The following PRELID2 variants were observed in gnomAD, a reference collection of about 807,000 sequenced individuals.
The protein encoded by PRELID2 is PRELI domain-containing protein 2.
A neutral mutation model predicts 28.4 loss-of-function variants in PRELID2; 25 were observed. The observed-to-expected ratio is 0.88, with a 90% CI of 0.64 to 1.23. The LOEUF is 1.23. Among genes scored for constraint, PRELID2 ranks in the 50% most tolerant of loss-of-function variants. The pLI is 0.00. For synonymous variants in PRELID2, 76 were observed against 71.6 expected, an observed-to-expected ratio of 1.06 and a Z score of -0.31; for missense variants, 201 against 214.4, an observed-to-expected ratio of 0.94 and a Z score of 0.39.
intron 1 of PRELID2, among the ~76,000 whole-genome samples, chr5:145,491,211 A>G (rs923080521): frequency 6.6e-6 from 1 of 152,156 alleles, no homozygotes; most frequent in African/African-American, 2.4e-5. Context: ...TGGGGGCTGG[A>G]AAGTCCAAGA....
intron 1 of PRELID2, among the ~76,000 whole-genome samples, chr5:145,540,648 G>A (rs1752738042): frequency 6.7e-6 from 1 of 148,872 alleles, no homozygotes; most frequent in African/African-American, 2.5e-5. Context: ...CCAAATATGA[G>A]GGATTATTTA....
chr5:145,475,021 G>C (rs1471440479), intron 1 of PRELID2, among the ~76,000 whole-genome samples: 2 of 152,160 alleles, frequency 1.3e-5, no homozygotes, highest in Non-Finnish European at 2.9e-5. Flanking sequence ...AATTATGAAA[G>C]ACTATTCTCT....
At chr5:145,414,545 T>G in the PRELID2 span, among the ~76,000 whole-genome samples, 6 of 152,226 alleles carry the variant, frequency 3.9e-5, no homozygotes, top group African/African-American at 1.4e-4. Flanking sequence ...AATTAAGAAG[T>G]AAAATTGTCT....
At chr5:145,314,139 G>A in the PRELID2 span, among the ~76,000 whole-genome samples, 1 of 152,192 alleles carries the variant, frequency 6.6e-6, no homozygotes, top group Non-Finnish European at 1.5e-5. Flanking sequence ...CATCATGGAT[G>A]AAGAAACAGA....
At position 145,587,542 on chromosome 5, in the gene PRELID2, G is replaced by A. The variant is rs187958989; in HGVS notation, n.71-114227C>T. Among the ~76,000 whole-genome samples, 677 of 152,158 alleles carry A rather than the reference G, an allele frequency of 4.4e-3. 3 individuals carry two copies. Among genetic ancestry groups the A allele is most frequent in the Middle Eastern group, 0.02 (6 of 294 alleles). On this transcript the variant is annotated intron_variant and non_coding_transcript_variant, in intron 1 of 2. Transcript: ENST00000510259. ...CAGGAGATACTAAAATATATCTTTG[G>A]GGGCAATAGAGAACCTAGTCCTAAT...
chr5:145,784,660 A>G (rs982339093), intron 5 of PRELID2, among the ~76,000 whole-genome samples: 23 of 152,192 alleles, frequency 1.5e-4, no homozygotes, highest in Non-Finnish European at 3.1e-4. Context: ...AATAACAGCT[A>G]TTATGCCGAT....
intron 1 of PRELID2, among the ~76,000 whole-genome samples, chr5:145,705,589 G>C (rs1373704889): frequency 6.6e-6 from 1 of 152,146 alleles, no homozygotes; most frequent in Non-Finnish European, 1.5e-5. Context: ...TAACCAAATA[G>C]TTAGGCTACC....
At chr5:145,359,005 G>A in the PRELID2 span, among the ~76,000 whole-genome samples, 1 of 152,168 alleles carries the variant, frequency 6.6e-6, no homozygotes, top group African/African-American at 2.4e-5. Context: ...CCATCAAAAA[G>A]GAAAGTATCC....
rs966918245 is a variant in PRELID2, at chr5:145,756,852, G to A, written c.*3684C>T. On this transcript the variant is annotated 3_prime_UTR_variant, in exon 7 of 7. Coordinates refer to ENST00000683046, the MANE Select transcript of PRELID2 (RefSeq NM_205846.3). ...TAGAGGTAGGCACAGTAATGGGAGA[G>A]ATAAATGACAGATAAAAGTGAGGGA... Among the ~76,000 whole-genome samples, 1 of 152,140 alleles carries A rather than the reference G, an allele frequency of 6.6e-6. No homozygotes were observed. Among genetic ancestry groups the A allele is most frequent in the Non-Finnish European group, 1.5e-5 (1 of 68,034 alleles).
the PRELID2 span, among the ~76,000 whole-genome samples, chr5:145,431,120 A>G: frequency 6.6e-6 from 1 of 150,900 alleles, no homozygotes; most frequent in African/African-American, 2.4e-5. Context: ...TTTTCTTAAA[A>G]CAAAATACGG....
the PRELID2 span, among the ~76,000 whole-genome samples, chr5:145,310,666 A>G: frequency 6.6e-6 from 1 of 152,130 alleles, no homozygotes; most frequent in African/African-American, 2.4e-5. Flanking sequence ...AGGTTAATTC[A>G]TCTTGATCTT....
In PRELID2 at chr5:145,614,978, G is replaced by A. The variant is rs1001679044; in HGVS notation, n.71-141663C>T. Among the ~76,000 whole-genome samples, 3 of 152,244 alleles carry A rather than the reference G, an allele frequency of 2.0e-5. No individual in the cohort carries two copies. In the South Asian group the frequency reaches 6.2e-4, roughly 32 times the overall value. On this transcript the variant is annotated intron_variant and non_coding_transcript_variant, in intron 1 of 2. Transcript: ENST00000510259. ...TTCTTTGTTGATTTTCTGTCTTGAT[G>A]ACCTGTCTAGTGCTGTCAGTGGAGT... is the stretch of plus-strand genomic sequence containing the variant.
At chr5:145,416,276 T>C in the PRELID2 span, among the ~76,000 whole-genome samples, 1 of 152,026 alleles carries the variant, frequency 6.6e-6, no homozygotes, top group Non-Finnish European at 1.5e-5. Context: ...TCAAGATGGA[T>C]TAAAGACTTA....
At chr5:145,735,138 G>A (rs910035830) in intron 1 of PRELID2, among the ~76,000 whole-genome samples, 9 of 151,846 alleles carry the variant, frequency 5.9e-5, no homozygotes, top group Admixed American at 1.3e-4. Context: ...CCACCTATTC[G>A]GGAGGCTGAA....
intron 1 of PRELID2, among the ~76,000 whole-genome samples, chr5:145,749,990 T>C (rs1284147767): frequency 6.6e-6 from 1 of 151,032 alleles, no homozygotes; most frequent in Admixed American, 6.6e-5. Flanking sequence ...GGGAGGGAAC[T>C]TAAGAGGATG....
At chr5:145,332,621 T>C in the PRELID2 span, among the ~76,000 whole-genome samples, 7 of 152,164 alleles carry the variant, frequency 4.6e-5, 1 homozygote, top group African/African-American at 1.7e-4. Flanking sequence ...CTACATCAGG[T>C]CATTTATGTT....
At chr5:145,310,210 T>C in the PRELID2 span, among the ~76,000 whole-genome samples, 4 of 152,194 alleles carry the variant, frequency 2.6e-5, no homozygotes, top group African/African-American at 9.6e-5. Flanking sequence ...GAAATTATCT[T>C]CATTTCTTTG....
chr5:145,679,070 G>T (rs529628968), intron 1 of PRELID2, among the ~76,000 whole-genome samples: 2 of 152,264 alleles, frequency 1.3e-5, no homozygotes, highest in Admixed American at 1.3e-4. Context: ...TGTGTTTTAT[G>T]CAGTCCTCTG....
At chr5:145,247,641 C>T in the PRELID2 span, among the ~76,000 whole-genome samples, 2 of 152,056 alleles carry the variant, frequency 1.3e-5, no homozygotes, top group Admixed American at 6.6e-5. Flanking sequence ...TCAGGCATGC[C>T]CAGGCCTGCA....
Sources: gnomAD v4.1 joint callset for allele counts (sites outside exome capture counted in the v4.1 genomes callset) on GRCh38, gnomAD v4.1.1 for gene constraint, MANE v1.5 for transcripts, NCBI Gene and HGNC (gene_info 2026-07-23, HGNC 2026-07-21) for gene names.